The following WDR26 variants were observed in gnomAD, a reference collection of about 807,000 sequenced individuals.
WDR26 encodes WD repeat domain 26, also known as WD repeat-containing protein 26.
A neutral mutation model predicts 84.1 loss-of-function variants in WDR26; 5 were observed. The ratio of observed to expected loss-of-function variants is 0.06; its 90% CI spans 0.03 to 0.13. The LOEUF is 0.13. Among genes scored for constraint, WDR26 ranks in the 10% least tolerant of loss-of-function variants. WDR26 has a pLI of 1.00. For synonymous variants in WDR26, 415 were observed against 389.6 expected (o/e 1.07, Z -0.77); for missense variants, 642 against 974.9 (o/e 0.66, Z 4.55).
intron 7 of WDR26, among the ~76,000 whole-genome samples, chr1:224,409,124 A>G (rs1008703746): frequency 3.9e-5 from 6 of 152,188 alleles, no homozygotes; most frequent in Non-Finnish European, 8.8e-5. Flanking sequence ...AGGTGACTCC[A>G]TTAACAAGAG....
At chr1:224,393,474 A>G (rs1018537568) in intron 13 of WDR26, among the ~76,000 whole-genome samples, 1 of 152,206 alleles carries the variant, frequency 6.6e-6, no homozygotes, top group Non-Finnish European at 1.5e-5. Flanking sequence ...AATATTTTGT[A>G]TGGTTAGTTT....
At chr1:224,423,231 C>A (rs1479915306) in intron 4 of WDR26, among the ~76,000 whole-genome samples, 2 of 152,132 alleles carry the variant, frequency 1.3e-5, no homozygotes, top group Non-Finnish European at 2.9e-5. Flanking sequence ...ATCTTTTATT[C>A]CTTTTTCTTG....
intron 7 of WDR26, among the ~76,000 whole-genome samples, chr1:224,410,381 A>G (rs922651120): frequency 2.0e-5 from 3 of 151,940 alleles, no homozygotes; most frequent in Non-Finnish European, 4.4e-5. Context: ...ACCTATCCGG[A>G]GTCATGTGCT....
chr1:224,397,997 C>G, intron 12 of WDR26, 100 bp downstream of exon 12: 1 of 1,433,360 alleles, frequency 7.0e-7, no homozygotes, highest in Non-Finnish European at 9.4e-7. Flanking sequence ...AGAATTTTAA[C>G]TTACTACCCT....
At chr1:224,422,513 C>T (rs1191880584) in intron 4 of WDR26, among the ~76,000 whole-genome samples, 2 of 152,114 alleles carry the variant, frequency 1.3e-5, no homozygotes, top group South Asian at 2.1e-4. Flanking sequence ...GTCAGAAGTT[C>T]GAGACCAGCC....
chr1:224,423,674 G>T (rs573631025), intron 4 of WDR26, among the ~76,000 whole-genome samples: 8 of 152,352 alleles, frequency 5.3e-5, no homozygotes, highest in African/African-American at 1.9e-4. Flanking sequence ...CTTGAGCCCA[G>T]AAACTAGAGG....
intron 8 of WDR26, 94 bp from the exon 9 acceptor site, chr1:224,401,163 T>A: frequency 7.8e-7 from 1 of 1,275,646 alleles, no homozygotes; most frequent in Non-Finnish European, 1.1e-6. Context: ...TCTGGCTGGT[T>A]TCCCAGTTCA....
intron 7 of WDR26, among the ~76,000 whole-genome samples, chr1:224,404,898 G>A (rs1204387767): frequency 6.6e-6 from 1 of 152,100 alleles, no homozygotes. Flanking sequence ...AAACAGATGG[G>A]TATAATAAGA....
intron 7 of WDR26, among the ~76,000 whole-genome samples, chr1:224,407,151 A>AAAAAAT: frequency 8.4e-5 from 1 of 11,876 alleles, no homozygotes. Context: ...AAAAAAAAAA[A>AAAAAAT]ATATATATAT....
intron 13 of WDR26, among the ~76,000 whole-genome samples, chr1:224,392,375 A>G (rs1673153263): frequency 6.6e-6 from 1 of 152,110 alleles, no homozygotes; most frequent in Admixed American, 6.5e-5. Context: ...AAAGAAAAGA[A>G]AACATATCCT....
At chr1:224,402,723 G>C (rs1459198236) in intron 8 of WDR26, among the ~76,000 whole-genome samples, 1 of 152,134 alleles carries the variant, frequency 6.6e-6, no homozygotes, top group Non-Finnish European at 1.5e-5. Flanking sequence ...GATCTTCTAG[G>C]TCAGACTCAC....
intron 7 of WDR26, among the ~76,000 whole-genome samples, chr1:224,407,172 AACTCAAAAACTTT>A (rs1673604203): frequency 3.6e-5 from 4 of 111,982 alleles, no homozygotes; most frequent in East Asian, 2.4e-4. Flanking sequence ...ATATATATAT[AACTCAAAAACTTT>A]TATGTACATG....
At position 224,434,555 on chromosome 1, in the gene WDR26, G is replaced by A. The variant is rs1204536868; in HGVS notation, c.-150C>T. 11 of 385,234 alleles carry A rather than the reference G, an allele frequency of 2.9e-5. No individual in the cohort carries two copies. In the Middle Eastern group the frequency reaches 4.2e-3, roughly 146 times the overall value. The allele number at this position is 385,234 out of a possible 1,614,324, so 23.9% of individuals were successfully genotyped here. Reference sequence around the variant, plus strand: ...GGGGGAGGAGGAGGAGGGGGAGAAGGAGGATCCGGGCCCTTTCCCCCCCCC... The same window carrying A: ...GGGGGAGGAGGAGGAGGGGGAGAAGAAGGATCCGGGCCCTTTCCCCCCCCC... On this transcript the variant is annotated 5_prime_UTR_variant, in exon 1 of 14. Transcript: ENST00000414423.
intron 6 of WDR26, among the ~76,000 whole-genome samples, chr1:224,415,237 A>T (rs1673859568): frequency 6.6e-6 from 1 of 152,196 alleles, no homozygotes; most frequent in Admixed American, 6.6e-5. Context: ...TAGGGAATTT[A>T]AGAAAAAGCA....
chr1:224,404,935 C>CT (rs1673512471), intron 7 of WDR26, among the ~76,000 whole-genome samples: 1 of 152,180 alleles, frequency 6.6e-6, no homozygotes, highest in Non-Finnish European at 1.5e-5. Flanking sequence ...TTTTAAACAA[C>CT]TTGAGATATA....
intron 13 of WDR26, among the ~76,000 whole-genome samples, chr1:224,390,504 A>G (rs1199113834): frequency 6.6e-6 from 1 of 152,258 alleles, no homozygotes; most frequent in Non-Finnish European, 1.5e-5. Flanking sequence ...AGTAAAGAGG[A>G]AAGAAAGATC....
Position 224,434,055 on chromosome 1 carries a change from A to ACCGCCG in WDR26, c.345_350dup (p.Gly124_Gly125dup), listed in dbSNP as rs746750261. On this transcript the variant is annotated inframe_insertion, in exon 1 of 14. Transcript: ENST00000414423. Reference sequence around the variant, plus strand: ...GGCCCCCGCCGCCCCCTCCTCCTCCACCGCCGCCGCCGCCACCTCCTCCTC... The same window carrying ACCGCCG: ...GGCCCCCGCCGCCCCCTCCTCCTCCACCGCCGCCGCCGCCGCCGCCACCTCCTCCTC... The ACCGCCG allele has an allele frequency of 1.3e-5, 19 of 1,447,002 alleles. No homozygotes were observed. Among genetic ancestry groups the ACCGCCG allele is most frequent in the East Asian group, 1.0e-4 (4 of 40,006 alleles). The allele number at this position is 1,447,002 out of a possible 1,614,324, so 89.6% of individuals were successfully genotyped here. A position where few individuals can be genotyped will look rare whatever the true frequency, so the allele number is the denominator to read the frequency against.
At position 224,419,423 on chromosome 1, in the gene WDR26, T is replaced by C. The variant is rs1401733570; in HGVS notation, c.1162+95A>G. On this transcript the variant is annotated intron_variant, in intron 5 of 13. Transcript: ENST00000414423. ...CTCTTCTAAGCACTCAATAAAAGTA[T>C]GTCCAGATATTCCCCATCTGTCTTC... 6.3e-6 allele frequency: 6 copies of C among 945,256 alleles called. No homozygotes were observed. In the East Asian group the frequency reaches 1.0e-4, roughly 16 times the overall value. The allele number at this position is 945,256 out of a possible 1,614,324, so 58.6% of individuals were successfully genotyped here. A position where few individuals can be genotyped will look rare whatever the true frequency, so the allele number is the denominator to read the frequency against.
intron 8 of WDR26, among the ~76,000 whole-genome samples, chr1:224,402,873 T>C (rs1038565335): frequency 1.3e-5 from 2 of 152,134 alleles, no homozygotes; most frequent in African/African-American, 2.4e-5. Flanking sequence ...TTGGGAACAA[T>C]TGTGGATTTT....
Sources: gnomAD v4.1 joint callset for allele counts (sites outside exome capture counted in the v4.1 genomes callset) on GRCh38, gnomAD v4.1.1 for gene constraint, MANE v1.5 for transcripts, NCBI Gene and HGNC (gene_info 2026-07-23, HGNC 2026-07-21) for gene names.